The following LGR5 variants were observed in gnomAD, a reference collection of about 807,000 sequenced individuals.
LGR5 encodes leucine rich repeat containing G protein-coupled receptor 5, also known as leucine-rich repeat-containing G protein-coupled receptor 5.
LGR5 carries 54 observed loss-of-function variants against 76.7 expected under a neutral mutation model. That is an observed-to-expected ratio of 0.70 (90% confidence interval 0.57 to 0.88). The LOEUF (loss-of-function observed/expected upper bound fraction) is 0.88. Among genes scored for constraint, LGR5 ranks in the 40% least tolerant of loss-of-function variants. LGR5 has a pLI of 0.00. For missense variants in LGR5, 1,078 were observed against 1,073.3 expected (o/e 1.00, Z -0.06); for synonymous variants, 406 against 421.9 (o/e 0.96, Z 0.46).
chr12:71,546,019 C>T (rs1469126851), intron 4 of LGR5, among the ~76,000 whole-genome samples: 1 of 152,130 alleles, frequency 6.6e-6, no homozygotes, highest in East Asian at 1.9e-4. Flanking sequence ...GTGGCAGGGG[C>T]AGGTGGGGTT....
intron 12 of LGR5, among the ~76,000 whole-genome samples, chr12:71,572,061 G>A (rs1878632904): frequency 6.7e-6 from 1 of 150,066 alleles, no homozygotes; most frequent in Non-Finnish European, 1.5e-5. Context: ...TCTTAACATT[G>A]CCTCCCCTAC....
At chr12:71,479,735 A>C (rs1873501331) in intron 1 of LGR5, among the ~76,000 whole-genome samples, 1 of 152,124 alleles carries the variant, frequency 6.6e-6, no homozygotes, top group Admixed American at 6.5e-5. Flanking sequence ...TATGGGCAGA[A>C]GTTAATGTAC....
At chr12:71,525,531 C>A (rs1875953101) in intron 3 of LGR5, among the ~76,000 whole-genome samples, 1 of 151,510 alleles carries the variant, frequency 6.6e-6, no homozygotes, top group Non-Finnish European at 1.5e-5. Context: ...GTTTCACAAA[C>A]CCCCCAAAAA....
At chr12:71,479,026 A>T (rs1431360378) in intron 1 of LGR5, among the ~76,000 whole-genome samples, 5 of 152,238 alleles carry the variant, frequency 3.3e-5, no homozygotes, top group African/African-American at 1.2e-4. Context: ...ATACTATTCA[A>T]TTGCGAATCA....
intron 6 of LGR5, among the ~76,000 whole-genome samples, chr12:71,557,732 G>A (rs778170445): frequency 2.0e-5 from 3 of 152,136 alleles, no homozygotes; most frequent in Non-Finnish European, 2.9e-5. Context: ...ATGAGACTGA[G>A]GTGATAGGCA....
At position 71,585,297 on chromosome 12, in the gene LGR5, T is replaced by C. The variant is rs1050851386; in HGVS notation, c.*563T>C. 2 of 154,136 alleles carry C rather than the reference T, an allele frequency of 1.3e-5. No homozygotes were observed. Among genetic ancestry groups the C allele is most frequent in the African/African-American group, 4.8e-5 (2 of 41,596 alleles). 9.5% of individuals were successfully genotyped at this position (154,136 alleles called of 1,614,324 possible). On this transcript the variant is annotated 3_prime_UTR_variant, in exon 18 of 18. Transcript: ENST00000266674. ...AGGCACAAATCCCTTAGATGGATAA[T>C]GTAAGGTATTGTTAACTCACTCATA...
chr12:71,525,328 CA>C (rs1298552402), intron 3 of LGR5, among the ~76,000 whole-genome samples: 1 of 151,966 alleles, frequency 6.6e-6, no homozygotes, highest in African/African-American at 2.4e-5. Flanking sequence ...TGAAATTCAA[CA>C]GCAGAACCGT....
At chr12:71,457,635 C>T (rs1252621449) in intron 1 of LGR5, among the ~76,000 whole-genome samples, 2 of 152,092 alleles carry the variant, frequency 1.3e-5, no homozygotes, top group African/African-American at 4.8e-5. Flanking sequence ...TGCTATGTAA[C>T]TAAACAAGGT....
At chr12:71,577,819 C>A in intron 13 of LGR5, 106 bp from the exon 14 acceptor site, 1 of 726,508 alleles carries the variant, frequency 1.4e-6, no homozygotes, top group Non-Finnish European at 2.4e-6. Flanking sequence ...TGTTTCTGAT[C>A]TGAATGGAAA....
At position 71,582,540 on chromosome 12, in the gene LGR5, G is replaced by A; in HGVS notation, c.1636+1G>A. 1 of 1,611,042 alleles carries A rather than the reference G, an allele frequency of 6.2e-7. No individual in the cohort carries two copies. The highest frequency in any genetic ancestry group is 8.5e-7 in the Non-Finnish European group (1 of 1,177,262). ...TCAGTGCAGTGTTCACCTTCCCCAG[G>A]TGAGAAAGGCATCAAAAATTCCTCA... On this transcript the variant is annotated splice_donor_variant, in intron 17 of 17. Transcript: ENST00000266674. LOFTEE classifies it high-confidence loss of function.
intron 1 of LGR5, among the ~76,000 whole-genome samples, chr12:71,450,543 C>G (rs963681432): frequency 6.6e-6 from 1 of 152,118 alleles, no homozygotes; most frequent in Non-Finnish European, 1.5e-5. Flanking sequence ...CTCCTGGCCT[C>G]AAGTAATTAT....
chr12:71,518,815 A>G (rs71456077), intron 2 of LGR5, among the ~76,000 whole-genome samples: 1 of 152,114 alleles, frequency 6.6e-6, no homozygotes, highest in Non-Finnish European at 1.5e-5. Context: ...ATAGAGAAAA[A>G]CAACACACAC....
At chr12:71,515,749 A>G (rs1235741811) in intron 2 of LGR5, among the ~76,000 whole-genome samples, 1 of 152,238 alleles carries the variant, frequency 6.6e-6, no homozygotes, top group African/African-American at 2.4e-5. Context: ...AAGTTAGAAA[A>G]TAAAGCGGCA....
Position 71,583,926 on chromosome 12 carries a change from T to C in LGR5, c.1916T>C (p.Val639Ala), listed in dbSNP as rs764014209. The C allele has an allele frequency of 1.9e-6, 3 of 1,614,068 alleles. No homozygotes were observed. Among genetic ancestry groups the C allele is most frequent in the Admixed American group, 3.3e-5 (2 of 60,002 alleles). The change falls in exon 18 of 18, where the codon GTC (valine) becomes GCC (alanine). Residue 639 changes from valine (V) to alanine (A), a missense_variant. Coordinates refer to ENST00000266674, the MANE Select transcript of LGR5 (RefSeq NM_003667.4). The stretch of plus-strand genomic sequence containing the variant: ...TGGGAGAATGGGGTTGGTTGCCATG[T>C]CATTGGTTTTTTGTCCATTTTTGCT... ...AWWENGVGCH[V>A]IGFLSIFASE...
intron 2 of LGR5, 26 bp from the exon 3 acceptor site, chr12:71,524,380 T>TCTCTC (rs769726143): frequency 1.1e-5 from 17 of 1,563,420 alleles, no homozygotes; most frequent in Non-Finnish European, 1.4e-5. Context: ...ATGCTCACTC[T>TCTCTC]CTCTCCTCTC....
chr12:71,531,565 G>T (rs907327583), intron 3 of LGR5, among the ~76,000 whole-genome samples: 4 of 152,038 alleles, frequency 2.6e-5, no homozygotes, highest in African/African-American at 9.7e-5. Context: ...TAACGTGGGG[G>T]TAGCTTTAAA....
At chr12:71,442,439 T>G (rs954059149) in intron 1 of LGR5, among the ~76,000 whole-genome samples, 3 of 152,220 alleles carry the variant, frequency 2.0e-5, no homozygotes, top group Non-Finnish European at 4.4e-5. Context: ...GATGACAGCC[T>G]GTACCCTGGC....
At chr12:71,544,869 T>A (rs1173027313) in intron 4 of LGR5, among the ~76,000 whole-genome samples, 1 of 152,228 alleles carries the variant, frequency 6.6e-6, no homozygotes, top group Admixed American at 6.5e-5. Flanking sequence ...ATAAATGAAC[T>A]ATATTGCTGT....
chr12:71,578,782 A>G (rs750310251), intron 14 of LGR5, 22 bp from the exon 15 acceptor site: 5 of 1,583,972 alleles, frequency 3.2e-6, no homozygotes, highest in East Asian at 2.3e-5. Flanking sequence ...CTAAAAGCCA[A>G]TTGTTGTTTG....
Sources: allele counts gnomAD v4.1 joint callset (sites outside exome capture counted in the v4.1 genomes callset), GRCh38; gene constraint gnomAD v4.1.1; transcripts MANE v1.5; gene names NCBI Gene and HGNC (gene_info 2026-07-23, HGNC 2026-07-21).